The following SPRYD7 variants were observed in gnomAD, a reference collection of about 807,000 sequenced individuals.
The protein encoded by SPRYD7 is SPRY domain-containing protein 7.
SPRYD7 carries 14 observed loss-of-function variants against 23.8 expected under a neutral mutation model. That is an observed-to-expected ratio of 0.59 (90% CI 0.39 to 0.92). SPRYD7 has a LOEUF of 0.92. SPRYD7 is among the 40% of genes least tolerant of loss of function. SPRYD7 has a pLI of 0.00. For missense variants in SPRYD7, 194 were observed against 241.7 expected, an observed-to-expected ratio of 0.80 and a Z score of 1.31; for synonymous variants, 75 against 84.9, an observed-to-expected ratio of 0.88 and a Z score of 0.64.
At chr13:49,930,055 G>A (rs894783484) in intron 2 of SPRYD7, among the ~76,000 whole-genome samples, 1 of 152,094 alleles carries the variant, frequency 6.6e-6, no homozygotes, top group African/African-American at 2.4e-5. Context: ...CTCCCAAAGT[G>A]TTGGGATTAC....
At position 49,933,601 on chromosome 13, in the gene SPRYD7, CA is replaced by C. The variant is rs147055694; in HGVS notation, c.107-2468del. Among the ~76,000 whole-genome samples, 429 of 94,532 alleles carry C rather than the reference CA, an allele frequency of 4.5e-3. 1 individual carries two copies. Among genetic ancestry groups the C allele is most frequent in the African/African-American group, 0.013 (270 of 21,594 alleles). 62.0% of individuals were successfully genotyped at this position (94,532 alleles called of 152,430 possible). ...TGGGCGACAGAGCGAGATTCCCTCTCAAAAAAAAAAAAAAGAAAAAAAAAGA... is the reference window on the plus strand; with the variant it reads ...TGGGCGACAGAGCGAGATTCCCTCTCAAAAAAAAAAAAAGAAAAAAAAAGA... On this transcript the variant is annotated intron_variant, in intron 1 of 4. Transcript: ENST00000361840.
At chr13:49,929,213 G>A (rs901585954) in intron 2 of SPRYD7, among the ~76,000 whole-genome samples, 19 of 152,258 alleles carry the variant, frequency 1.2e-4, no homozygotes, top group African/African-American at 3.6e-4. Context: ...GGAAGGCTGC[G>A]GCAGGAGTAC....
Position 49,927,932 on chromosome 13 carries a change from T to G in SPRYD7, c.377A>C (p.Glu126Ala), listed in dbSNP as rs766966367. ...GAGGGAACTCACCACCACATCTCCTTCCTGCGGAAGACTGTTTGCTGGCAG... is the reference window on the plus strand; with the variant it reads ...GAGGGAACTCACCACCACATCTCCTGCCTGCGGAAGACTGTTTGCTGGCAG... ...NRLPANSLPQ[E>A]GDVVGITYDH... The change falls in exon 3 of 5, where the codon GAA (glutamate) becomes GCA (alanine). Residue 126 changes from glutamate to alanine, a missense_variant. Physicochemically the swap from Glu to Ala is moderately radical, Grantham distance 107. Coordinates refer to ENST00000361840, the MANE Select transcript of SPRYD7 (RefSeq NM_020456.4). 6.2e-6 allele frequency: 10 copies of G among 1,614,172 alleles called. No individual in the cohort carries two copies. Among genetic ancestry groups the G allele is most frequent in the Non-Finnish European group, 8.5e-6 (10 of 1,180,014 alleles).
chr13:49,925,484 G>T (rs1955871687), intron 3 of SPRYD7, among the ~76,000 whole-genome samples: 1 of 151,822 alleles, frequency 6.6e-6, no homozygotes, highest in Admixed American at 6.6e-5. Context: ...ATGCATGTTA[G>T]AATGAAATTT....
chr13:49,916,348 T>C (rs1247767705), intron 4 of SPRYD7, among the ~76,000 whole-genome samples: 2 of 152,184 alleles, frequency 1.3e-5, no homozygotes, highest in Non-Finnish European at 2.9e-5. Flanking sequence ...ATATACTTTA[T>C]ATTTCAGCAT....
At chr13:49,934,555 CAAAAAAAAA>C (rs889803067) in intron 1 of SPRYD7, among the ~76,000 whole-genome samples, 1 of 54,388 alleles carries the variant, frequency 1.8e-5, no homozygotes, top group Non-Finnish European at 3.8e-5. Context: ...AACTCCGTCT[CAAAAAAAAA>C]AAAAAAAAAA....
chr13:49,914,413 C>T lies in SPRYD7; in HGVS notation c.*650G>A, dbSNP rs147530416. 184 of 153,090 alleles carry T rather than the reference C, an allele frequency of 1.2e-3. No homozygotes were observed. The highest frequency in any genetic ancestry group is 4.3e-3 in the African/African-American group (178 of 41,554). The allele number at this position is 153,090 out of a possible 1,614,324, so 9.5% of individuals were successfully genotyped here. A position where few individuals can be genotyped will look rare whatever the true frequency, so the allele number is the denominator to read the frequency against. ...TGTATACTACATTACTAATCAACCA[C>T]TACTTACTCTGAAATTGAGGTAACA... On this transcript the variant is annotated 3_prime_UTR_variant, in exon 5 of 5. Transcript: ENST00000361840.
chr13:49,920,086 T>A (rs1955801089), intron 4 of SPRYD7, among the ~76,000 whole-genome samples: 1 of 151,944 alleles, frequency 6.6e-6, no homozygotes. Flanking sequence ...GTAGGCCGGA[T>A]GCAGTGGTTC....
At position 49,932,381 on chromosome 13, in the gene SPRYD7, T is replaced by C. The variant is rs143006276; in HGVS notation, c.107-1247A>G. Among the ~76,000 whole-genome samples, 12 of 152,374 alleles carry C rather than the reference T, an allele frequency of 7.9e-5. No individual in the cohort carries two copies. In the South Asian group the frequency reaches 1.2e-3, roughly 16 times the overall value. Reference sequence around the variant, plus strand: ...TTTTAACATTCTTACATGCACTTTATTCTCGTAGAAAATTTTTTAGATGAA... The same window carrying C: ...TTTTAACATTCTTACATGCACTTTACTCTCGTAGAAAATTTTTTAGATGAA... On this transcript the variant is annotated intron_variant, in intron 1 of 4. Coordinates refer to ENST00000361840, the MANE Select transcript of SPRYD7 (RefSeq NM_020456.4).
intron 4 of SPRYD7, among the ~76,000 whole-genome samples, chr13:49,917,642 T>C (rs1035012597): frequency 5.3e-5 from 8 of 152,240 alleles, no homozygotes; most frequent in African/African-American, 1.9e-4. Context: ...TTAGTATCTA[T>C]AACCTTAGTA....
At chr13:49,928,137 G>T in intron 2 of SPRYD7, 52 bp from the exon 3 acceptor site, 2 of 1,514,004 alleles carry the variant, frequency 1.3e-6, no homozygotes, top group Non-Finnish European at 1.8e-6. Context: ...TACAACCATC[G>T]AGTTATTTTA....
chr13:49,933,012 G>A (rs984815097), intron 1 of SPRYD7, among the ~76,000 whole-genome samples: 7 of 152,116 alleles, frequency 4.6e-5, no homozygotes, highest in Non-Finnish European at 1.0e-4. Flanking sequence ...GCAGTGCTTG[G>A]CATTGAGCAG....
At chr13:49,930,505 C>T (rs771053411) in intron 2 of SPRYD7, among the ~76,000 whole-genome samples, 1 of 151,806 alleles carries the variant, frequency 6.6e-6, no homozygotes, top group Non-Finnish European at 1.5e-5. Flanking sequence ...TGCTTGAACC[C>T]GGGAGGCGGA....
intron 3 of SPRYD7, among the ~76,000 whole-genome samples, chr13:49,923,837 C>T (rs1284655501): frequency 6.6e-6 from 1 of 151,946 alleles, no homozygotes; most frequent in Non-Finnish European, 1.5e-5. Flanking sequence ...GATGAAGAAA[C>T]TGGGTTTGAT....
chr13:49,921,446 T>A (rs780925611), intron 4 of SPRYD7, 32 bp downstream of exon 4: 1 of 1,333,126 alleles, frequency 7.5e-7, no homozygotes, highest in Admixed American at 1.7e-5. Flanking sequence ...TTAATATGTA[T>A]GTAATAATAC....
intron 1 of SPRYD7, among the ~76,000 whole-genome samples, chr13:49,934,119 T>C (rs889762082): frequency 1.3e-5 from 2 of 152,078 alleles, no homozygotes; most frequent in Admixed American, 6.6e-5. Context: ...ACCAAATCCA[T>C]GTGTTTCTAT....
intron 3 of SPRYD7, among the ~76,000 whole-genome samples, chr13:49,927,024 T>C (rs2138230530): frequency 6.6e-6 from 1 of 152,312 alleles, no homozygotes; most frequent in Non-Finnish European, 1.5e-5. Flanking sequence ...CAGAAAAGTC[T>C]TAATAACGTG....
intron 3 of SPRYD7, among the ~76,000 whole-genome samples, chr13:49,923,523 C>T (rs903967809): frequency 8.5e-5 from 13 of 152,352 alleles, no homozygotes; most frequent in Middle Eastern, 3.4e-3. Flanking sequence ...AGATTACAGG[C>T]GTTGGCCACC....
At chr13:49,935,926 A>C (rs2138247743) in intron 1 of SPRYD7, among the ~76,000 whole-genome samples, 1 of 152,172 alleles carries the variant, frequency 6.6e-6, no homozygotes, top group South Asian at 2.1e-4. Flanking sequence ...TGACAGACAC[A>C]GAGAGGGCTG....
Sources: gnomAD v4.1 joint callset for allele counts (sites outside exome capture counted in the v4.1 genomes callset) on GRCh38, gnomAD v4.1.1 for gene constraint, MANE v1.5 for transcripts, NCBI Gene and HGNC (gene_info 2026-07-23, HGNC 2026-07-21) for gene names.